UNC5A: variants seen among roughly 807,000 people sequenced by gnomAD.
The protein encoded by UNC5A is netrin receptor UNC5A.
UNC5A carries 20 observed loss-of-function variants against 87.4 expected under a neutral mutation model. The observed-to-expected ratio is 0.23, with a 90% CI of 0.16 to 0.33. UNC5A has a LOEUF of 0.33. UNC5A is among the 10% of genes least tolerant of loss of function. The pLI is 1.00. For synonymous variants in UNC5A, 438 were observed against 482.3 expected (o/e 0.91, Z 1.20); for missense variants, 844 against 1,133.4 (o/e 0.74, Z 3.67).
At chr5:176,828,000 C>T (rs1039015814) in intron 1 of UNC5A, among the ~76,000 whole-genome samples, 52 of 152,078 alleles carry the variant, frequency 3.4e-4, no homozygotes, top group African/African-American at 1.1e-3. Flanking sequence ...AGGGTCAGAG[C>T]GGGTCTGGGC....
Position 176,868,835 on chromosome 5 carries a change from G to A in UNC5A, c.592G>A (p.Val198Ile). ...GGTGGACCCGTCCCTGGACCCCAAT[G>A]TATACATCACGCGGGAGCACAGCCT... ...DLVDPSLDPN[V>I]YITREHSLVV... The change falls in exon 5 of 15, where the codon GTA (valine) becomes ATA (isoleucine). Residue 198 changes from valine to isoleucine, a missense_variant. Val to Ile is a conservative substitution (Grantham distance 29). Coordinates refer to ENST00000329542, the MANE Select transcript of UNC5A (RefSeq NM_133369.3). The A allele has an allele frequency of 6.2e-7, 1 of 1,612,528 alleles. No homozygotes were observed. Among genetic ancestry groups the A allele is most frequent in the Non-Finnish European group, 8.5e-7 (1 of 1,179,536 alleles).
Position 176,880,102 on chromosome 5 carries a change from G to A in UNC5A, c.*216G>A, listed in dbSNP as rs370497982. Reference sequence around the variant, plus strand: ...CAGGCTGGCACTGCCACTCACACTCGGCCCCAGGGCCCAGGAGGGACAGTG... The same window carrying A: ...CAGGCTGGCACTGCCACTCACACTCAGCCCCAGGGCCCAGGAGGGACAGTG... On this transcript the variant is annotated 3_prime_UTR_variant, in exon 15 of 15. Transcript: ENST00000329542. 195 of 604,146 alleles carry A rather than the reference G, an allele frequency of 3.2e-4. 3 individuals carry two copies. The East Asian group carries it at 4.5e-3, about 14-fold the overall frequency. 37.4% of individuals were successfully genotyped at this position (604,146 alleles called of 1,614,324 possible). A position where few individuals can be genotyped will look rare whatever the true frequency, so the allele number is the denominator to read the frequency against.
intron 4 of UNC5A, 45 bp downstream of exon 4, chr5:176,868,709 T>C (rs1316229693): frequency 2.5e-6 from 4 of 1,588,020 alleles, no homozygotes; most frequent in Non-Finnish European, 2.6e-6. Flanking sequence ...GGCTCCTGCC[T>C]GGTCACCCTG....
chr5:176,837,056 G>A (rs766641043), intron 1 of UNC5A, among the ~76,000 whole-genome samples: 3 of 152,168 alleles, frequency 2.0e-5, no homozygotes, highest in African/African-American at 7.2e-5. Context: ...CCTGTCTGAC[G>A]AGGGTGCCTT....
chr5:176,857,514 A>G (rs1206263625), intron 1 of UNC5A, among the ~76,000 whole-genome samples: 2 of 151,680 alleles, frequency 1.3e-5, no homozygotes, highest in Admixed American at 6.6e-5. Context: ...ACACACACAC[A>G]TGCATGCCAC....
intron 1 of UNC5A, among the ~76,000 whole-genome samples, chr5:176,827,646 A>T (rs1358234682): frequency 6.6e-6 from 1 of 152,182 alleles, no homozygotes; most frequent in African/African-American, 2.4e-5. Flanking sequence ...ACCTGTTTTC[A>T]GTTCTGTTGG....
At chr5:176,851,555 T>C (rs1757542939) in intron 1 of UNC5A, among the ~76,000 whole-genome samples, 1 of 152,196 alleles carries the variant, frequency 6.6e-6, no homozygotes, top group South Asian at 2.1e-4. Context: ...CCATAAATGG[T>C]GTAGGCCACG....
Position 176,866,265 on chromosome 5 carries a change from C to T in UNC5A, c.293-1865C>T, listed in dbSNP as rs548989209. 2.0e-5 allele frequency among the ~76,000 whole-genome samples: 3 copies of T among 152,152 alleles called. No homozygotes were observed. Among genetic ancestry groups the T allele is most frequent in the Non-Finnish European group, 2.9e-5 (2 of 68,006 alleles). On this transcript the variant is annotated intron_variant, in intron 2 of 14. Coordinates refer to ENST00000329542, the MANE Select transcript of UNC5A (RefSeq NM_133369.3). This position sits in a 1 kb window ranked among gnomAD's most constrained non-coding sequence, Gnocchi z 5.0. The stretch of plus-strand genomic sequence containing the variant: ...CCTCACATCAAAGATGGGGTAGGGC[C>T]GGGTCTGCAGCCCCCGCCTCAGGCA...
chr5:176,829,697 C>G (rs545886598), intron 1 of UNC5A, among the ~76,000 whole-genome samples: 24 of 151,932 alleles, frequency 1.6e-4, no homozygotes, highest in Non-Finnish European at 2.9e-4. Context: ...TGATTGTTCA[C>G]GGGGCACAGA....
At chr5:176,845,465 C>T (rs1054096345) in intron 1 of UNC5A, among the ~76,000 whole-genome samples, 23 of 152,376 alleles carry the variant, frequency 1.5e-4, no homozygotes, top group African/African-American at 5.3e-4. Flanking sequence ...CCCCGAGGCC[C>T]TGAGGCAGGG....
chr5:176,874,168 C>G lies in UNC5A; in HGVS notation c.1075+12C>G. ...GCCCAGCAAAGCAGGTGAGGGGCCC[C>G]GTGCCCCCAGCACTCCTGCCCCAGC... On this transcript the variant is annotated intron_variant, in intron 7 of 14. Coordinates refer to ENST00000329542, the MANE Select transcript of UNC5A (RefSeq NM_133369.3). This position sits in a 1 kb window ranked among gnomAD's most constrained non-coding sequence, Gnocchi z 7.6. 5 of 1,611,646 alleles carry G rather than the reference C, an allele frequency of 3.1e-6. No homozygotes were observed. The highest frequency in any genetic ancestry group is 1.7e-4 in the Middle Eastern group (1 of 6,050).
chr5:176,826,150 C>T (rs1002467536), intron 1 of UNC5A, among the ~76,000 whole-genome samples: 14 of 152,182 alleles, frequency 9.2e-5, no homozygotes, highest in East Asian at 1.9e-4. Flanking sequence ...CTTCCAGAGA[C>T]GCACAGCAGG....
chr5:176,834,796 C>T (rs1305363696), intron 1 of UNC5A, among the ~76,000 whole-genome samples: 1 of 152,032 alleles, frequency 6.6e-6, no homozygotes, highest in Non-Finnish European at 1.5e-5. Context: ...GCCTGCCCCA[C>T]CTCCCAGGGA....
intron 14 of UNC5A, 105 bp downstream of exon 14, chr5:176,879,593 T>C (rs2149371621): frequency 1.3e-6 from 2 of 1,543,336 alleles, no homozygotes; most frequent in Admixed American, 1.9e-5. Flanking sequence ...CTGTGCCGCA[T>C]CTACTAGTGG....
At chr5:176,859,513 TA>T (rs1378246347) in intron 1 of UNC5A, among the ~76,000 whole-genome samples, 26,016 of 131,016 alleles carry the variant, frequency 0.2, 11,104 homozygotes, top group Middle Eastern at 0.3. Context: ...CTAGAGGGCA[TA>T]GCTGCTAGAA....
chr5:176,815,034 A>G (rs1756554884), intron 1 of UNC5A, among the ~76,000 whole-genome samples: 1 of 152,172 alleles, frequency 6.6e-6, no homozygotes, highest in Non-Finnish European at 1.5e-5. Flanking sequence ...AGCCACGTGT[A>G]TGGACAGCAA....
intron 2 of UNC5A, among the ~76,000 whole-genome samples, 155 bp downstream of exon 2, chr5:176,863,000 GGA>G (rs1757880472): frequency 6.6e-6 from 1 of 152,234 alleles, no homozygotes; most frequent in Non-Finnish European, 1.5e-5. Flanking sequence ...AGAAGGAGGG[GGA>G]GAGAGGGGGT....
At position 176,842,861 on chromosome 5, in the gene UNC5A, A is replaced by AT. The variant is rs907669842; in HGVS notation, c.71-19753dup. On this transcript the variant is annotated intron_variant, in intron 1 of 14. Transcript: ENST00000329542. ...AATCACTTATGGAAAAATAATTTTT[A>AT]TTTTTTTTTTACAAAAAGGGCTAGG... Among the ~76,000 whole-genome samples, 460 of 150,468 alleles carry AT rather than the reference A, an allele frequency of 3.1e-3. 4 individuals are homozygous for AT. Among genetic ancestry groups the AT allele is most frequent in the African/African-American group, 9.8e-3 (403 of 41,116 alleles).
chr5:176,869,673 G>A lies in UNC5A; in HGVS notation c.722-697G>A, dbSNP rs1002511594. The A allele has an allele frequency of 2.3e-5, 16 of 698,588 alleles. No homozygotes were observed. Among genetic ancestry groups the A allele is most frequent in the African/African-American group, 1.4e-4 (8 of 57,104 alleles). 43.3% of individuals were successfully genotyped at this position (698,588 alleles called of 1,614,324 possible). On this transcript the variant is annotated intron_variant, in intron 5 of 14. Transcript: ENST00000329542. The surrounding 1 kb of genome is among the most constrained non-coding windows in gnomAD (Gnocchi z 9.1). ...CGTCTGCAGCGCCAGCTGTGGGCGC[G>A]GCTGGCAGAAACGGAGCCGGAGCTG... is the stretch of plus-strand genomic sequence containing the variant.
Sources: allele counts gnomAD v4.1 joint callset (sites outside exome capture counted in the v4.1 genomes callset), GRCh38; gene constraint gnomAD v4.1.1; non-coding constraint Gnocchi (gnomAD v3.1); transcripts MANE v1.5; gene names NCBI Gene and HGNC (gene_info 2026-07-23, HGNC 2026-07-21).